Variants in GABRG1 observed in about 807,000 individuals in gnomAD.
GABRG1 encodes gamma-aminobutyric acid receptor subunit gamma-1.
Under a neutral mutation model 49.8 loss-of-function variants are expected in GABRG1, and 49 were observed. That is an observed-to-expected ratio of 0.98 (90% CI 0.78 to 1.25). The LOEUF (loss-of-function observed/expected upper bound fraction) is 1.25. GABRG1 is among the 50% of genes most tolerant of loss of function. The pLI is 0.00. For synonymous variants in GABRG1, 232 were observed against 185.1 expected (o/e 1.25, Z -2.06); for missense variants, 552 against 552.3 (o/e 1.00, Z 0.01).
At chr4:46,056,123 G>GAAAAAAAA (rs1718417136) in intron 7 of GABRG1, among the ~76,000 whole-genome samples, 1 of 4,272 alleles carries the variant, frequency 2.3e-4, no homozygotes, top group Admixed American at 2.7e-3. Context: ...AAAAAAGAAA[G>GAAAAAAAA]GAAAAAAAAA....
At chr4:46,051,023 GT>G (rs558673267) in intron 8 of GABRG1, among the ~76,000 whole-genome samples, 99 of 151,928 alleles carry the variant, frequency 6.5e-4, no homozygotes, top group African/African-American at 2.4e-3. Flanking sequence ...AAAAAAGAAC[GT>G]TGTGGTCATC....
At chr4:46,107,608 G>A (rs1212095590) in intron 1 of GABRG1, among the ~76,000 whole-genome samples, 1 of 150,586 alleles carries the variant, frequency 6.6e-6, no homozygotes, top group Non-Finnish European at 1.5e-5. Context: ...TTATGATGGT[G>A]ATACTAAATT....
intron 3 of GABRG1, among the ~76,000 whole-genome samples, chr4:46,068,923 T>G (rs1230242180): frequency 6.6e-6 from 1 of 152,072 alleles, no homozygotes; most frequent in African/African-American, 2.4e-5. Context: ...CATTTAAAAT[T>G]TGACATCCAA....
At chr4:46,090,514 A>G (rs553858678) in intron 2 of GABRG1, among the ~76,000 whole-genome samples, 1 of 152,142 alleles carries the variant, frequency 6.6e-6, no homozygotes, top group African/African-American at 2.4e-5. Context: ...GTTTTAGGGA[A>G]CTATATATAG....
At chr4:46,049,755 C>A (rs1718141882) in intron 8 of GABRG1, among the ~76,000 whole-genome samples, 1 of 151,852 alleles carries the variant, frequency 6.6e-6, no homozygotes, top group Non-Finnish European at 1.5e-5. Context: ...CTAGAGTAAT[C>A]CAGCTCTCTT....
intron 2 of GABRG1, among the ~76,000 whole-genome samples, chr4:46,087,719 G>C (rs1396629101): frequency 6.6e-6 from 1 of 151,866 alleles, no homozygotes; most frequent in East Asian, 1.9e-4. Context: ...TGATTAACAT[G>C]TTCCAGTTTC....
intron 1 of GABRG1, among the ~76,000 whole-genome samples, chr4:46,100,920 C>T (rs1720359945): frequency 6.6e-6 from 1 of 151,110 alleles, no homozygotes; most frequent in Non-Finnish European, 1.5e-5. Flanking sequence ...TTATCTACAC[C>T]TTTTCTCTAA....
At chr4:46,087,844 C>A (rs537818201) in intron 2 of GABRG1, among the ~76,000 whole-genome samples, 13 of 152,040 alleles carry the variant, frequency 8.6e-5, no homozygotes, top group African/African-American at 3.1e-4. Flanking sequence ...TGACAATCAA[C>A]CTTTCCAGGT....
intron 3 of GABRG1, among the ~76,000 whole-genome samples, chr4:46,078,646 G>T (rs754757117): frequency 5.3e-5 from 8 of 151,914 alleles, no homozygotes; most frequent in Non-Finnish European, 8.8e-5. Context: ...TGTTTAGAAT[G>T]CTTAAATACA....
At chr4:46,105,270 C>T (rs926908500) in intron 1 of GABRG1, among the ~76,000 whole-genome samples, 4 of 150,626 alleles carry the variant, frequency 2.7e-5, no homozygotes, top group South Asian at 2.1e-4. Context: ...AACTGACTTG[C>T]GAAAGAAAAT....
At chr4:46,086,586 A>G (rs1035462730) in intron 2 of GABRG1, among the ~76,000 whole-genome samples, 48 of 151,494 alleles carry the variant, frequency 3.2e-4, no homozygotes, top group Admixed American at 3.1e-3. Flanking sequence ...TTGTCACAGA[A>G]TAGGCCTTAA....
chr4:46,106,909 T>C (rs1720567084), intron 1 of GABRG1, among the ~76,000 whole-genome samples: 1 of 151,198 alleles, frequency 6.6e-6, no homozygotes, highest in Admixed American at 6.6e-5. Context: ...CATTTAATCA[T>C]TTTTTTAATT....
chr4:46,120,794 G>T (rs1721070298), intron 1 of GABRG1, among the ~76,000 whole-genome samples: 1 of 151,732 alleles, frequency 6.6e-6, no homozygotes, highest in Non-Finnish European at 1.5e-5. Context: ...CATGGAAATT[G>T]TTCTGAAAAA....
intron 8 of GABRG1, among the ~76,000 whole-genome samples, chr4:46,044,688 G>A (rs1398890883): frequency 6.6e-6 from 1 of 152,090 alleles, no homozygotes; most frequent in East Asian, 1.9e-4. Context: ...GTATAAGGAA[G>A]GAAGAATGGG....
intron 3 of GABRG1, among the ~76,000 whole-genome samples, chr4:46,078,077 A>G (rs1446283669): frequency 3.3e-5 from 5 of 151,826 alleles, no homozygotes; most frequent in Admixed American, 2.6e-4. Flanking sequence ...TATTTTATGT[A>G]GTGACAAAAA....
Position 46,084,008 on chromosome 4 carries a change from C to T in GABRG1, c.299G>A (p.Gly100Glu). 1 of 1,578,442 alleles carries T rather than the reference C, an allele frequency of 6.3e-7. No homozygotes were observed. The highest frequency in any genetic ancestry group is 8.7e-7 in the Non-Finnish European group (1 of 1,154,688). ...IETDVYVNSI[G>E]PVDPINMEYT... ...TACCATATTAATTGGATCAACTGGTCCAATGCTGTTTACATAAACATCAGT... is the reference window on the plus strand; with the variant it reads ...TACCATATTAATTGGATCAACTGGTTCAATGCTGTTTACATAAACATCAGT... Residue 100 changes from glycine (G) to glutamate (E), a missense_variant, in exon 3 of 9, where the codon GGA becomes GAA. Transcript: ENST00000295452.
At chr4:46,076,168 C>T (rs1250084569) in intron 3 of GABRG1, among the ~76,000 whole-genome samples, 1 of 151,444 alleles carries the variant, frequency 6.6e-6, no homozygotes, top group African/African-American at 2.4e-5. Context: ...TGGAGGCTAC[C>T]ATTTTTCTAA....
At chr4:46,116,214 T>C (rs531036429) in intron 1 of GABRG1, among the ~76,000 whole-genome samples, 1 of 150,936 alleles carries the variant, frequency 6.6e-6, no homozygotes, top group South Asian at 2.1e-4. Context: ...GTAAATGTTA[T>C]TTTATGACCA....
In GABRG1 at chr4:46,100,312, G is replaced by A. The variant is rs920614671; in HGVS notation, c.105-2963C>T. ...AATGGAGGGGAGCAACACACACTGCGGCATATCAGAGTGGGGAGGGTGGGA... is the reference window on the plus strand; with the variant it reads ...AATGGAGGGGAGCAACACACACTGCAGCATATCAGAGTGGGGAGGGTGGGA... On this transcript the variant is annotated intron_variant, in intron 1 of 8. Coordinates refer to ENST00000295452, the MANE Select transcript of GABRG1 (RefSeq NM_173536.4). 2.0e-5 allele frequency among the ~76,000 whole-genome samples: 3 copies of A among 151,522 alleles called. No individual in the cohort carries two copies. In the South Asian group the frequency reaches 6.2e-4, roughly 32 times the overall value.
Sources: gnomAD v4.1 joint callset for allele counts (sites outside exome capture counted in the v4.1 genomes callset) on GRCh38, gnomAD v4.1.1 for gene constraint, MANE v1.5 for transcripts, NCBI Gene and HGNC (gene_info 2026-07-23, HGNC 2026-07-21) for gene names.